AGBL4: variants seen among roughly 807,000 people sequenced by gnomAD.
AGBL4 encodes the protein cytosolic carboxypeptidase 6.
A neutral mutation model predicts 66.4 loss-of-function variants in AGBL4; 58 were observed. The ratio of observed to expected loss-of-function variants is 0.87; its 90% CI spans 0.71 to 1.09. AGBL4 has a LOEUF of 1.09. Among genes scored for constraint, AGBL4 ranks in the 50% least tolerant of loss-of-function variants. The probability of loss-of-function intolerance (pLI) is 0.00; values close to 1 mark genes in which losing one functional copy is unlikely to be tolerated. For missense variants in AGBL4, 579 were observed against 631.0 expected (o/e 0.92, Z 0.88); for synonymous variants, 234 against 222.9 (o/e 1.05, Z -0.44).
At chr1:49,243,811 G>A (rs950335142) in intron 4 of AGBL4, among the ~76,000 whole-genome samples, 5 of 151,762 alleles carry the variant, frequency 3.3e-5, no homozygotes, top group Admixed American at 6.6e-5. Context: ...GAGATATTAC[G>A]TATACAGTGT....
intron 5 of AGBL4, among the ~76,000 whole-genome samples, chr1:48,877,971 A>G (rs569832417): frequency 6.6e-6 from 1 of 152,290 alleles, no homozygotes; most frequent in East Asian, 1.9e-4. Flanking sequence ...CATCTCTAAA[A>G]TGAGGACTAA....
chr1:48,819,343 A>T (rs1392965312), intron 6 of AGBL4, among the ~76,000 whole-genome samples: 2 of 152,210 alleles, frequency 1.3e-5, no homozygotes. Context: ...ATTAGGCCAG[A>T]TTCTGAAGAG....
intron 3 of AGBL4, among the ~76,000 whole-genome samples, chr1:49,684,711 C>T (rs1466609672): frequency 6.6e-6 from 1 of 151,958 alleles, no homozygotes; most frequent in Non-Finnish European, 1.5e-5. Context: ...TTGTTTTTAC[C>T]ACTTATTTCA....
At chr1:48,914,361 G>C (rs1570988967) in intron 5 of AGBL4, among the ~76,000 whole-genome samples, 1 of 152,246 alleles carries the variant, frequency 6.6e-6, no homozygotes, top group East Asian at 1.9e-4. Context: ...ACCTTGACCA[G>C]AGAAGCTTCT....
At chr1:49,870,522 C>A (rs1464627953) in intron 1 of AGBL4, among the ~76,000 whole-genome samples, 1 of 150,252 alleles carries the variant, frequency 6.7e-6, no homozygotes, top group Non-Finnish European at 1.5e-5. Context: ...TTACACATTG[C>A]ATGCCTGTAT....
chr1:49,565,963 C>T (rs939821190), intron 3 of AGBL4, among the ~76,000 whole-genome samples: 4 of 152,196 alleles, frequency 2.6e-5, no homozygotes, highest in Non-Finnish European at 4.4e-5. Flanking sequence ...TTGGTCTTTT[C>T]ACATAGTCCC....
At chr1:49,101,266 C>G (rs1023733491) in intron 4 of AGBL4, among the ~76,000 whole-genome samples, 4 of 151,994 alleles carry the variant, frequency 2.6e-5, no homozygotes, top group Admixed American at 2.0e-4. Context: ...TGGCTCACTG[C>G]AACCTCCGCC....
chr1:49,133,786 TG>T (rs1244052295), intron 4 of AGBL4, among the ~76,000 whole-genome samples: 1 of 152,086 alleles, frequency 6.6e-6, no homozygotes, highest in African/African-American at 2.4e-5. Flanking sequence ...TATTTGTTGC[TG>T]AGATAATAGG....
At chr1:49,776,692 C>G (rs779487584) in intron 2 of AGBL4, among the ~76,000 whole-genome samples, 2 of 152,124 alleles carry the variant, frequency 1.3e-5, no homozygotes, top group Non-Finnish European at 2.9e-5. Context: ...CAAAGGAGGT[C>G]TTTTCTGACC....
At chr1:49,085,994 C>A (rs1222942696) in intron 4 of AGBL4, among the ~76,000 whole-genome samples, 1 of 152,158 alleles carries the variant, frequency 6.6e-6, no homozygotes, top group Non-Finnish European at 1.5e-5. Flanking sequence ...TGCTCCACCC[C>A]TTTGTTAGAC....
chr1:48,770,794 G>A (rs1317928923), intron 6 of AGBL4, among the ~76,000 whole-genome samples: 1 of 152,138 alleles, frequency 6.6e-6, no homozygotes, highest in African/African-American at 2.4e-5. Context: ...ATTACAACCA[G>A]TCAGTTACTA....
At chr1:49,534,941 T>C (rs138501590) in intron 3 of AGBL4, among the ~76,000 whole-genome samples, 191 of 152,302 alleles carry the variant, frequency 1.3e-3, no homozygotes, top group Non-Finnish European at 2.4e-3. Flanking sequence ...ATTACTAAAA[T>C]TGGAAATAAC....
At chr1:49,281,920 A>T (rs1340947746) in intron 3 of AGBL4, among the ~76,000 whole-genome samples, 1 of 152,190 alleles carries the variant, frequency 6.6e-6, no homozygotes, top group African/African-American at 2.4e-5. Flanking sequence ...TTAGCAAATT[A>T]ATGAAGCCTG....
intron 6 of AGBL4, among the ~76,000 whole-genome samples, chr1:48,755,617 T>C (rs1652431096): frequency 6.6e-6 from 1 of 152,050 alleles, no homozygotes; most frequent in Non-Finnish European, 1.5e-5. Flanking sequence ...GGGTCTCTCA[T>C]TCGCTTTCTG....
At chr1:48,696,275 G>A (rs1570279670) in intron 6 of AGBL4, among the ~76,000 whole-genome samples, 2 of 152,106 alleles carry the variant, frequency 1.3e-5, no homozygotes, top group African/African-American at 2.4e-5. Flanking sequence ...TCAGGTGATC[G>A]CACAGATTTT....
chr1:48,973,495 A>C (rs1347921276), intron 5 of AGBL4, among the ~76,000 whole-genome samples: 2 of 152,182 alleles, frequency 1.3e-5, no homozygotes, highest in Non-Finnish European at 2.9e-5. Flanking sequence ...GCTGGGCTAA[A>C]GAAAACAGTT....
intron 3 of AGBL4, among the ~76,000 whole-genome samples, chr1:49,356,249 C>A (rs989693700): frequency 6.6e-6 from 1 of 152,134 alleles, no homozygotes; most frequent in Admixed American, 6.5e-5. Flanking sequence ...TGAATTTCTT[C>A]CCCATTCATC....
At chr1:48,988,444 T>C (rs1660347703) in intron 5 of AGBL4, among the ~76,000 whole-genome samples, 1 of 152,100 alleles carries the variant, frequency 6.6e-6, no homozygotes, top group Admixed American at 6.6e-5. Flanking sequence ...ATAAACAGTA[T>C]AGGGAAGGTC....
At chr1:49,004,744 G>T (rs1271711782) in intron 5 of AGBL4, among the ~76,000 whole-genome samples, 1 of 152,172 alleles carries the variant, frequency 6.6e-6, no homozygotes, top group Non-Finnish European at 1.5e-5. Flanking sequence ...TTGAAGTAAG[G>T]GGGACATTTG....
Sources: gnomAD v4.1 joint callset for allele counts (sites outside exome capture counted in the v4.1 genomes callset) on GRCh38, gnomAD v4.1.1 for gene constraint, MANE v1.5 for transcripts, NCBI Gene and HGNC (gene_info 2026-07-23, HGNC 2026-07-21) for gene names.